PDGFD: variants seen among roughly 807,000 people sequenced by gnomAD.
PDGFD encodes the protein platelet-derived growth factor D.
Under a neutral mutation model 44.7 loss-of-function variants are expected in PDGFD, and 30 were observed. The observed-to-expected ratio is 0.67, with a 90% CI of 0.50 to 0.91. The LOEUF is 0.91. Among genes scored for constraint, PDGFD ranks in the 40% least tolerant of loss-of-function variants. The pLI, the probability that PDGFD is intolerant of heterozygous loss-of-function variation, is 0.00. For synonymous variants in PDGFD, 173 were observed against 168.4 expected (o/e 1.03, Z -0.21); for missense variants, 445 against 457.8 (o/e 0.97, Z 0.25).
At chr11:104,113,997 G>A (rs1861597186) in intron 1 of PDGFD, among the ~76,000 whole-genome samples, 1 of 151,968 alleles carries the variant, frequency 6.6e-6, no homozygotes, top group Non-Finnish European at 1.5e-5. Flanking sequence ...TAATAACAGT[G>A]CTTTAACAGA....
chr11:104,032,907 A>T (rs1860151486), intron 1 of PDGFD, among the ~76,000 whole-genome samples: 1 of 152,008 alleles, frequency 6.6e-6, no homozygotes, highest in African/African-American at 2.4e-5. Flanking sequence ...AAAGTAAGGG[A>T]GTATACTTCA....
At chr11:103,982,550 T>C (rs1039085822) in intron 3 of PDGFD, among the ~76,000 whole-genome samples, 4 of 151,732 alleles carry the variant, frequency 2.6e-5, no homozygotes, top group Non-Finnish European at 5.9e-5. Flanking sequence ...CAATATAGTA[T>C]TGAAATTCTG....
chr11:104,029,072 G>A (rs750370087), intron 1 of PDGFD, among the ~76,000 whole-genome samples: 4 of 152,168 alleles, frequency 2.6e-5, no homozygotes, highest in Admixed American at 1.3e-4. Flanking sequence ...CACATTTTAT[G>A]AGCTGAGTGA....
chr11:104,145,936 T>C (rs1011422502), intron 1 of PDGFD, among the ~76,000 whole-genome samples: 1 of 152,212 alleles, frequency 6.6e-6, no homozygotes, highest in Non-Finnish European at 1.5e-5. Context: ...CACAGTAAGA[T>C]GGCGACCATC....
chr11:104,142,694 T>C (rs970112639), intron 1 of PDGFD, among the ~76,000 whole-genome samples: 5 of 152,174 alleles, frequency 3.3e-5, no homozygotes, highest in Non-Finnish European at 5.9e-5. Context: ...AAGGCCCTAA[T>C]AATTTCTTTG....
chr11:103,948,366 GACTTGA>G, intron 3 of PDGFD, among the ~76,000 whole-genome samples: 1 of 152,256 alleles, frequency 6.6e-6, no homozygotes, highest in East Asian at 1.9e-4. Context: ...GTCAAGGGCA[GACTTGA>G]AAACATTAGT....
At chr11:103,929,976 C>T (rs892221769) in intron 5 of PDGFD, among the ~76,000 whole-genome samples, 4 of 152,146 alleles carry the variant, frequency 2.6e-5, no homozygotes, top group African/African-American at 7.2e-5. Flanking sequence ...CATAGCTGAA[C>T]ATTCAGAGCA....
At chr11:104,100,430 T>C (rs888063403) in intron 1 of PDGFD, among the ~76,000 whole-genome samples, 8 of 152,158 alleles carry the variant, frequency 5.3e-5, no homozygotes, top group Non-Finnish European at 1.0e-4. Flanking sequence ...GTTGAATCTC[T>C]GAATAGAACA....
intron 5 of PDGFD, among the ~76,000 whole-genome samples, chr11:103,939,060 A>G (rs900942548): frequency 6.6e-6 from 1 of 152,118 alleles, no homozygotes; most frequent in Non-Finnish European, 1.5e-5. Context: ...TTCCACATGA[A>G]CTTTAAAGTA....
At chr11:103,980,615 C>A (rs1274406813) in intron 3 of PDGFD, among the ~76,000 whole-genome samples, 1 of 151,952 alleles carries the variant, frequency 6.6e-6, no homozygotes, top group Non-Finnish European at 1.5e-5. Context: ...TTTTCTTGTG[C>A]CAAGGCCTCT....
chr11:104,116,401 A>G (rs918287689), intron 1 of PDGFD, among the ~76,000 whole-genome samples: 1 of 151,952 alleles, frequency 6.6e-6, no homozygotes, highest in Admixed American at 6.6e-5. Context: ...GCCTATTTTT[A>G]TACCAGTACC....
chr11:103,980,457 G>A (rs1172533893), intron 3 of PDGFD, among the ~76,000 whole-genome samples: 5 of 152,058 alleles, frequency 3.3e-5, no homozygotes, highest in Non-Finnish European at 7.4e-5. Context: ...GACCAAGAAA[G>A]GTACATCTAA....
chr11:103,937,867 T>TA (rs1858517344), intron 5 of PDGFD, among the ~76,000 whole-genome samples: 1 of 151,916 alleles, frequency 6.6e-6, no homozygotes, highest in Non-Finnish European at 1.5e-5. Context: ...TCCATGTCCC[T>TA]ACAAAGGACA....
rs368147723 is a variant in PDGFD at position 103,959,608 on chromosome 11, T to C, written c.511-11884A>G. On this transcript the variant is annotated intron_variant, in intron 3 of 6. Coordinates refer to ENST00000393158, the MANE Select transcript of PDGFD (RefSeq NM_025208.5). Reference sequence around the variant, plus strand: ...AAAGCAGGCTTGCTATCTGGGCCCATTAGGTGAACTTGTTGGAACTGAGTG... The same window carrying C: ...AAAGCAGGCTTGCTATCTGGGCCCACTAGGTGAACTTGTTGGAACTGAGTG... 1.7e-4 allele frequency among the ~76,000 whole-genome samples: 26 copies of C among 152,302 alleles called. No homozygotes were observed. The South Asian group carries it at 5.4e-3, about 32-fold the overall frequency.
At chr11:103,917,433 T>C (rs1054815605) in intron 6 of PDGFD, among the ~76,000 whole-genome samples, 1 of 152,228 alleles carries the variant, frequency 6.6e-6, no homozygotes, top group African/African-American at 2.4e-5. Context: ...TTTTCTAATA[T>C]ACATAGTCAG....
intron 1 of PDGFD, among the ~76,000 whole-genome samples, chr11:104,103,988 C>A (rs1346652793): frequency 6.6e-6 from 1 of 151,762 alleles, no homozygotes; most frequent in East Asian, 1.9e-4. Flanking sequence ...AGTGTTAGGG[C>A]CCCAAAGACC....
intron 1 of PDGFD, among the ~76,000 whole-genome samples, chr11:104,118,097 T>C (rs11226181): frequency 0.08 from 12,214 of 152,020 alleles, 639 homozygotes; most frequent in East Asian, 0.24. Context: ...TCTACATAGA[T>C]AATCATGTCA....
chr11:104,017,597 G>A (rs922824341), intron 1 of PDGFD, among the ~76,000 whole-genome samples: 1 of 152,140 alleles, frequency 6.6e-6, no homozygotes, highest in South Asian at 2.1e-4. Context: ...AAATTCCAAT[G>A]CCTAAACACG....
At chr11:103,974,195 A>T (rs1265601712) in intron 3 of PDGFD, among the ~76,000 whole-genome samples, 1 of 152,188 alleles carries the variant, frequency 6.6e-6, no homozygotes, top group Non-Finnish European at 1.5e-5. Context: ...GAAGAAAAAA[A>T]TCTCAGTACT....
Sources: gnomAD v4.1 joint callset for allele counts (sites outside exome capture counted in the v4.1 genomes callset) on GRCh38, gnomAD v4.1.1 for gene constraint, MANE v1.5 for transcripts, NCBI Gene and HGNC (gene_info 2026-07-23, HGNC 2026-07-21) for gene names.